The following TTC28 variants were observed in gnomAD, a reference collection of about 807,000 sequenced individuals.
TTC28 encodes the protein tetratricopeptide repeat protein 28.
A neutral mutation model predicts 198.0 loss-of-function variants in TTC28; 61 were observed. That is an observed-to-expected ratio of 0.31 (90% confidence interval 0.25 to 0.38). The LOEUF (loss-of-function observed/expected upper bound fraction) is 0.38, where lower values mean the gene tolerates loss of function less well. Ranked by LOEUF, TTC28 falls within the 10% of genes least tolerant of loss-of-function variation. The probability of loss-of-function intolerance (pLI) is 1.00; values close to 1 mark genes in which losing one functional copy is unlikely to be tolerated. For missense variants in TTC28, 2,678 were observed against 3,164.0 expected, an observed-to-expected ratio of 0.85 and a Z score of 3.69; for synonymous variants, 1,171 against 1,297.8, an observed-to-expected ratio of 0.90 and a Z score of 2.10.
Position 28,629,535 on chromosome 22 carries a change from T to C in TTC28, c.381+17A>G, listed in dbSNP as rs948251704. 1.4e-5 allele frequency: 21 copies of C among 1,531,608 alleles called. No individual in the cohort carries two copies. Among genetic ancestry groups the C allele is most frequent in the East Asian group, 4.9e-5 (2 of 40,718 alleles). 94.9% of individuals were successfully genotyped at this position (1,531,608 alleles called of 1,614,324 possible). A position where few individuals can be genotyped will look rare whatever the true frequency, so the allele number is the denominator to read the frequency against. Reference sequence around the variant, plus strand: ...AAGATTCTATGAAAATAAATCTTCATAGGTAAAAATTTCTACCTTTGGCCA... The same window carrying C: ...AAGATTCTATGAAAATAAATCTTCACAGGTAAAAATTTCTACCTTTGGCCA... On this transcript the variant is annotated intron_variant, in intron 2 of 22. Coordinates refer to ENST00000397906, the MANE Select transcript of TTC28 (RefSeq NM_001145418.2).
chr22:28,258,212 G>T (rs1302668685), intron 5 of TTC28, among the ~76,000 whole-genome samples: 1 of 152,090 alleles, frequency 6.6e-6, no homozygotes, highest in African/African-American at 2.4e-5. Context: ...CAGGTTGAAC[G>T]TGCACAGGTC....
At chr22:28,242,830 T>A (rs1352192859) in intron 5 of TTC28, among the ~76,000 whole-genome samples, 1 of 152,024 alleles carries the variant, frequency 6.6e-6, no homozygotes, top group Non-Finnish European at 1.5e-5. Context: ...ATAAGCAGAT[T>A]CATTTTAGAT....
At chr22:28,346,091 T>C (rs916899325) in intron 2 of TTC28, among the ~76,000 whole-genome samples, 4 of 152,306 alleles carry the variant, frequency 2.6e-5, no homozygotes, top group Admixed American at 2.0e-4. Flanking sequence ...ACGTATTCTT[T>C]ATAACAACCT....
At chr22:28,539,542 G>A (rs1208353006) in intron 2 of TTC28, among the ~76,000 whole-genome samples, 3 of 151,788 alleles carry the variant, frequency 2.0e-5, no homozygotes, top group Admixed American at 6.6e-5. Context: ...AGGCTGAGGC[G>A]TGAGGATTGC....
At chr22:28,590,503 A>G (rs1256013773) in intron 2 of TTC28, among the ~76,000 whole-genome samples, 1 of 152,070 alleles carries the variant, frequency 6.6e-6, no homozygotes, top group African/African-American at 2.4e-5. Context: ...CTGTAATGCC[A>G]TCACTTTGGG....
intron 6 of TTC28, among the ~76,000 whole-genome samples, chr22:28,110,299 A>T (rs571333131): frequency 1.3e-5 from 2 of 152,294 alleles, no homozygotes; most frequent in South Asian, 4.1e-4. Context: ...ACTTAGGGTA[A>T]ATCATTTAGG....
chr22:28,244,480 A>G (rs986349450), intron 5 of TTC28, among the ~76,000 whole-genome samples: 3 of 152,210 alleles, frequency 2.0e-5, no homozygotes, highest in Non-Finnish European at 4.4e-5. Flanking sequence ...ATATAGAAGG[A>G]AAAAACTCAA....
chr22:28,105,637 C>A lies in TTC28; in HGVS notation c.2949G>T (p.Gln983His). ...YEQAISCLER[Q>H]LNIARDMKDR... is the part of the protein sequence containing the mutation. ...CTTTCATATCTCTAGCAATGTTCAG[C>A]TGGCGTTCAAGGCAGGAAATGGCTT... The change falls in exon 8 of 23, where the codon CAG becomes CAT. Residue 983 changes from glutamine to histidine, a missense_variant. Gln to His is a conservative substitution (Grantham distance 24, BLOSUM62 0). Transcript: ENST00000397906. 1 of 1,552,088 alleles carries A rather than the reference C, an allele frequency of 6.4e-7. No individual in the cohort carries two copies. The highest frequency in any genetic ancestry group is 1.2e-5 in the South Asian group (1 of 84,056).
chr22:28,124,731 T>C (rs1942874450), intron 6 of TTC28, among the ~76,000 whole-genome samples: 1 of 152,210 alleles, frequency 6.6e-6, no homozygotes, highest in Non-Finnish European at 1.5e-5. Flanking sequence ...ACTATCTATG[T>C]CCAGTGATTT....
At chr22:28,545,154 T>C (rs75182285) in intron 2 of TTC28, among the ~76,000 whole-genome samples, 3,026 of 152,266 alleles carry the variant, frequency 0.02, 31 homozygotes, top group Non-Finnish European at 0.027. Flanking sequence ...AATAGTGAAT[T>C]TTCTCCTGAA....
At chr22:28,437,464 C>G (rs2047537971) in intron 2 of TTC28, among the ~76,000 whole-genome samples, 1 of 152,088 alleles carries the variant, frequency 6.6e-6, no homozygotes, top group African/African-American at 2.4e-5. Context: ...TGCAACCATC[C>G]CCTCTCACCC....
In TTC28 at chr22:28,105,751, C is replaced by T. The variant is rs1281332410; in HGVS notation, c.2835G>A (p.Val945=). 2 of 1,551,708 alleles carry T rather than the reference C, an allele frequency of 1.3e-6. No individual in the cohort carries two copies. Among genetic ancestry groups the T allele is most frequent in the African/African-American group, 2.7e-5 (2 of 73,164 alleles). Residue 945 remains valine (V), a synonymous_variant, in exon 8 of 23, where the codon GTG becomes GTA. Coordinates refer to ENST00000397906, the MANE Select transcript of TTC28 (RefSeq NM_001145418.2). The part of the protein sequence containing the change: ...QALVCFEKRL[V]VAHELGEAFN... ...AGGCCTCTCCAAGTTCATGAGCAAC[C>T]ACGAGCCTCTTTTCAAAGCACACAA...
chr22:28,098,622 T>G (rs1438034363), intron 10 of TTC28, among the ~76,000 whole-genome samples: 1 of 152,106 alleles, frequency 6.6e-6, no homozygotes, highest in Non-Finnish European at 1.5e-5. Flanking sequence ...ATCAGCACTG[T>G]ACTGGACTCA....
At chr22:28,160,223 T>A (rs1244324395) in intron 6 of TTC28, among the ~76,000 whole-genome samples, 1 of 152,206 alleles carries the variant, frequency 6.6e-6, no homozygotes, top group Non-Finnish European at 1.5e-5. Flanking sequence ...ATTGGATTGT[T>A]TGTAACACAA....
chr22:28,458,697 C>A (rs1037840661), intron 2 of TTC28, among the ~76,000 whole-genome samples: 1 of 151,712 alleles, frequency 6.6e-6, no homozygotes, highest in Non-Finnish European at 1.5e-5. Context: ...CTGGCTAACA[C>A]GGTGAAACCC....
intron 2 of TTC28, among the ~76,000 whole-genome samples, chr22:28,545,588 A>G (rs2049523686): frequency 6.6e-6 from 1 of 152,076 alleles, no homozygotes; most frequent in Admixed American, 6.6e-5. Context: ...CTAAAAACAA[A>G]AAATAAAAAA....
intron 5 of TTC28, among the ~76,000 whole-genome samples, chr22:28,254,560 A>G (rs1206468336): frequency 6.6e-6 from 1 of 152,030 alleles, no homozygotes; most frequent in Non-Finnish European, 1.5e-5. Context: ...AATGAAAGTC[A>G]ATTAGAAGCC....
intron 1 of TTC28, among the ~76,000 whole-genome samples, chr22:28,641,570 T>C (rs1488927812): frequency 1.3e-5 from 2 of 152,188 alleles, no homozygotes; most frequent in African/African-American, 2.4e-5. Context: ...GAGGAAAATG[T>C]TCTAGAATTA....
chr22:28,616,330 G>A (rs1487260906), intron 2 of TTC28, among the ~76,000 whole-genome samples: 1 of 152,126 alleles, frequency 6.6e-6, no homozygotes, highest in Non-Finnish European at 1.5e-5. Flanking sequence ...ATTATTGTGA[G>A]TATAAAATTG....
Sources: gnomAD v4.1 joint callset for allele counts (sites outside exome capture counted in the v4.1 genomes callset) on GRCh38, gnomAD v4.1.1 for gene constraint, MANE v1.5 for transcripts, NCBI Gene and HGNC (gene_info 2026-07-23, HGNC 2026-07-21) for gene names.